The following KANSL1L variants were observed in gnomAD, a reference collection of about 807,000 sequenced individuals.
KANSL1L encodes the protein KAT8 regulatory NSL complex subunit 1-like protein.
KANSL1L carries 25 observed loss-of-function variants against 108.6 expected under a neutral mutation model. The observed-to-expected ratio is 0.23, with a 90% CI of 0.17 to 0.32. The LOEUF (loss-of-function observed/expected upper bound fraction) is 0.32, where lower values mean the gene tolerates loss of function less well. Ranked by LOEUF, KANSL1L falls within the 10% of genes least tolerant of loss-of-function variation. The pLI is 1.00. For missense variants in KANSL1L, 1,137 were observed against 1,125.7 expected, an observed-to-expected ratio of 1.01 and a Z score of -0.14; for synonymous variants, 405 against 395.1, an observed-to-expected ratio of 1.03 and a Z score of -0.30.
rs747796967 is a variant in KANSL1L, at chr2:210,027,296, CTCT to C, written c.2448_2450del (p.Glu817del). On this transcript the variant is annotated inframe_deletion and splice_region_variant, in exon 12 of 15. Transcript: ENST00000281772. Reference sequence around the variant, plus strand: ...TCCCATTAAATGAAAGGCAGCTTACCTCTTCTTTGCCTAAATTATATTCATCCA... The same window carrying C: ...TCCCATTAAATGAAAGGCAGCTTACCTCTTTGCCTAAATTATATTCATCCA... 1.8e-5 allele frequency: 29 copies of C among 1,605,420 alleles called. No individual in the cohort carries two copies. The East Asian group carries it at 5.4e-4, about 30-fold the overall frequency.
rs184943087 is a variant in KANSL1L at position 210,168,459 on chromosome 2, C to T, written c.-30+2690G>A. Among the ~76,000 whole-genome samples the T allele has an allele frequency of 6.6e-5, 10 of 152,100 alleles. No homozygotes were observed. In the East Asian group the frequency reaches 1.9e-3, roughly 29 times the overall value. On this transcript the variant is annotated intron_variant, in intron 1 of 14. Transcript: ENST00000281772. Reference sequence around the variant, plus strand: ...CTATAGGCAATAAGAAGTGAGCTACCAAGAACCATCTCAATAATAAAGGAA... The same window carrying T: ...CTATAGGCAATAAGAAGTGAGCTACTAAGAACCATCTCAATAATAAAGGAA...
intron 1 of KANSL1L, among the ~76,000 whole-genome samples, chr2:210,168,412 A>G (rs1163221366): frequency 1.3e-5 from 2 of 152,128 alleles, no homozygotes; most frequent in Non-Finnish European, 2.9e-5. Context: ...TTTATGTGGT[A>G]GATTAAAGGG....
intron 1 of KANSL1L, among the ~76,000 whole-genome samples, chr2:210,160,313 T>A (rs1057150235): frequency 6.6e-6 from 1 of 151,958 alleles, no homozygotes; most frequent in Non-Finnish European, 1.5e-5. Flanking sequence ...TCATACTCAA[T>A]GTTGTACTGG....
In KANSL1L at chr2:210,144,208, T is replaced by TC. The variant is rs531184362; in HGVS notation, c.1088+9286dup. On this transcript the variant is annotated intron_variant, in intron 2 of 14. Coordinates refer to ENST00000281772, the MANE Select transcript of KANSL1L (RefSeq NM_152519.4). Reference sequence around the variant, plus strand: ...AATGTGCAGATAACTTCCTGAGGGTTCCCTTGTATGTGAAGATTTTCTCTT... The same window carrying TC: ...AATGTGCAGATAACTTCCTGAGGGTTCCCCTTGTATGTGAAGATTTTCTCTT... Among the ~76,000 whole-genome samples the TC allele has an allele frequency of 1.1e-4, 16 of 152,286 alleles. No homozygotes were observed. The South Asian group carries it at 3.3e-3, about 32-fold the overall frequency.
intron 3 of KANSL1L, among the ~76,000 whole-genome samples, chr2:210,104,958 T>C (rs1239505485): frequency 1.3e-5 from 2 of 152,086 alleles, no homozygotes; most frequent in Non-Finnish European, 2.9e-5. Flanking sequence ...TTCTGAAATG[T>C]AAGGAACTGG....
At chr2:210,083,086 G>A (rs896205822) in intron 5 of KANSL1L, among the ~76,000 whole-genome samples, 8 of 152,174 alleles carry the variant, frequency 5.3e-5, no homozygotes, top group African/African-American at 1.9e-4. Context: ...AGAATGCCAT[G>A]TAAAGATAGA....
At chr2:210,112,664 T>A (rs2094919747) in intron 3 of KANSL1L, among the ~76,000 whole-genome samples, 1 of 152,188 alleles carries the variant, frequency 6.6e-6, no homozygotes, top group Non-Finnish European at 1.5e-5. Context: ...ATATTTATGG[T>A]ATATATAATG....
intron 2 of KANSL1L, among the ~76,000 whole-genome samples, chr2:210,139,681 T>C (rs1429527344): frequency 6.6e-6 from 1 of 152,080 alleles, no homozygotes; most frequent in Admixed American, 6.6e-5. Context: ...ATCTATGTGT[T>C]GGCCATTTGT....
chr2:210,025,208 A>T lies in KANSL1L; in HGVS notation c.2460T>A (p.Asp820Glu). 6.5e-7 allele frequency: 1 copy of T among 1,537,600 alleles called. No individual in the cohort carries two copies. Among genetic ancestry groups the T allele is most frequent in the Non-Finnish European group, 9.0e-7 (1 of 1,110,148 alleles). Residue 820 changes from aspartate (D) to glutamate (E), a missense_variant, in exon 13 of 15, where the codon GAT (aspartate) becomes GAA (glutamate). Asp to Glu is a conservative substitution (Grantham distance 45). Transcript: ENST00000281772. ...TTAGGGAGAAGACTTCATCAGAAAG[A>T]TCTTCTATCTGGAATTAGAAATAAA... ...EYNLGKEEIE[D>E]LSDEVFSLRH...
chr2:210,099,030 A>G (rs2094766971), intron 4 of KANSL1L, among the ~76,000 whole-genome samples: 1 of 152,086 alleles, frequency 6.6e-6, no homozygotes, highest in Non-Finnish European at 1.5e-5. Context: ...TCATAGAAGA[A>G]CTGGAAAATA....
At chr2:210,079,668 A>ATG (rs72150565) in intron 5 of KANSL1L, 3 of 60,094 alleles carry the variant, frequency 5.0e-5, no homozygotes, top group African/African-American at 2.1e-4. Flanking sequence ...ATATATATGT[A>ATG]TGTGTGTATA....
Position 210,079,612 on chromosome 2 carries a change from GTATATATATATA to G in KANSL1L, c.1551-3868_1551-3857del, listed in dbSNP as rs60144283. Among the ~76,000 whole-genome samples the G allele has an allele frequency of 4.2e-3, 272 of 65,262 alleles. 3 individuals are homozygous for G. The highest frequency in any genetic ancestry group is 7.6e-3 in the African/African-American group (81 of 10,604). The allele number at this position is 65,262 out of a possible 152,430, so 42.8% of individuals were successfully genotyped here. A position where few individuals can be genotyped will look rare whatever the true frequency, so the allele number is the denominator to read the frequency against. On this transcript the variant is annotated intron_variant, in intron 5 of 14. Transcript: ENST00000281772. The stretch of plus-strand genomic sequence containing the variant: ...TCTCAAAAAAAAAAAATATGTATGT[GTATATATATATA>G]TATATATATATATATATATATATAT...
chr2:210,060,508 T>A (rs2094408178), intron 6 of KANSL1L, among the ~76,000 whole-genome samples: 1 of 152,246 alleles, frequency 6.6e-6, no homozygotes, highest in Non-Finnish European at 1.5e-5. Flanking sequence ...GAAAAAATTA[T>A]CCTGCTCAAA....
At chr2:210,030,486 T>C (rs1330226260) in intron 9 of KANSL1L, among the ~76,000 whole-genome samples, 2 of 150,560 alleles carry the variant, frequency 1.3e-5, no homozygotes, top group Non-Finnish European at 3.0e-5. Context: ...ATTTTCTGTA[T>C]ATCTTCCAAG....
At chr2:210,095,763 G>A (rs1047586997) in intron 5 of KANSL1L, among the ~76,000 whole-genome samples, 2 of 152,064 alleles carry the variant, frequency 1.3e-5, no homozygotes, top group Non-Finnish European at 2.9e-5. Context: ...ACTATCAACT[G>A]TTCTAAATTT....
intron 6 of KANSL1L, among the ~76,000 whole-genome samples, chr2:210,059,452 G>A (rs2094396065): frequency 6.6e-6 from 1 of 152,230 alleles, no homozygotes; most frequent in South Asian, 2.1e-4. Flanking sequence ...CTATTAAGTA[G>A]AACAAGGATT....
At position 210,023,108 on chromosome 2, in the gene KANSL1L, T is replaced by C; in HGVS notation, c.2805A>G (p.Glu935=). 6.2e-7 allele frequency: 1 copy of C among 1,614,080 alleles called. No individual in the cohort carries two copies. Among genetic ancestry groups the C allele is most frequent in the Middle Eastern group, 1.6e-4 (1 of 6,062 alleles). ...TTGACCTTTCAACCTGATCCTTTTT[T>C]TCATCTTGACATAATAAGGCTGCCA... The part of the protein sequence containing the change: ...EDMAALLCQD[E]KKDQVERSST... Residue 935 remains glutamate (E), a synonymous_variant, in exon 15 of 15, where the codon GAA becomes GAG. Transcript: ENST00000281772.
At chr2:210,164,923 T>C (rs1317834416) in intron 1 of KANSL1L, among the ~76,000 whole-genome samples, 1 of 150,078 alleles carries the variant, frequency 6.7e-6, no homozygotes, top group Non-Finnish European at 1.5e-5. Flanking sequence ...TGGAGTGCAA[T>C]GGCACAATCT....
At chr2:210,076,583 T>C (rs540368425) in intron 5 of KANSL1L, among the ~76,000 whole-genome samples, 1 of 152,076 alleles carries the variant, frequency 6.6e-6, no homozygotes, top group East Asian at 1.9e-4. Context: ...TTTTTAAAAA[T>C]TTCCAATGTT....
Sources: allele counts gnomAD v4.1 joint callset (sites outside exome capture counted in the v4.1 genomes callset), GRCh38; gene constraint gnomAD v4.1.1; transcripts MANE v1.5; gene names NCBI Gene and HGNC (gene_info 2026-07-23, HGNC 2026-07-21).